Variants in NAV2 observed in about 807,000 individuals in gnomAD.
NAV2 encodes the protein helicase, APC down-regulated 1.
Under a neutral mutation model 223.2 loss-of-function variants are expected in NAV2, and 54 were observed. That is an observed-to-expected ratio of 0.24 (90% CI 0.19 to 0.30). The LOEUF (loss-of-function observed/expected upper bound fraction) is 0.30, where lower values mean the gene tolerates loss of function less well. Ranked by LOEUF, NAV2 falls within the 10% of genes least tolerant of loss-of-function variation. The pLI is 1.00. For missense variants in NAV2, 2,806 were observed against 3,147.5 expected, an observed-to-expected ratio of 0.89 and a Z score of 2.60; for synonymous variants, 1,279 against 1,239.3, an observed-to-expected ratio of 1.03 and a Z score of -0.67.
chr11:19,880,192 C>G lies in NAV2; in HGVS notation c.770+65C>G, dbSNP rs1256559107. 4 of 1,471,062 alleles carry G rather than the reference C, an allele frequency of 2.7e-6. No homozygotes were observed. In the African/African-American group the frequency reaches 4.3e-5, roughly 16 times the overall value. 91.1% of individuals were successfully genotyped at this position (1,471,062 alleles called of 1,614,324 possible). On this transcript the variant is annotated intron_variant, in intron 5 of 37. Transcript: ENST00000349880. The stretch of plus-strand genomic sequence containing the variant: ...CACCTTCCTCCACCCCAACCAATCT[C>G]TAGGCTATCCTGTATGGCTTTTTCA...
chr11:19,558,672 C>T (rs991715694), intron 1 of NAV2, among the ~76,000 whole-genome samples: 1 of 152,184 alleles, frequency 6.6e-6, no homozygotes, highest in Admixed American at 6.5e-5. Context: ...TTAACACCCT[C>T]CCTGAATGAC....
chr11:19,730,115 T>C (rs139309676), intron 1 of NAV2, among the ~76,000 whole-genome samples: 40 of 152,350 alleles, frequency 2.6e-4, no homozygotes, highest in South Asian at 1.7e-3. Flanking sequence ...GTTTCTGTCA[T>C]GAATCTTCCA....
chr11:19,613,703 G>A (rs962281530), intron 1 of NAV2, among the ~76,000 whole-genome samples: 1 of 152,146 alleles, frequency 6.6e-6, no homozygotes, highest in Non-Finnish European at 1.5e-5. Context: ...AGAACCAAGC[G>A]GCCAGAGTTG....
At chr11:19,595,334 A>G (rs761850716) in intron 1 of NAV2, among the ~76,000 whole-genome samples, 3 of 152,200 alleles carry the variant, frequency 2.0e-5, no homozygotes, top group Non-Finnish European at 2.9e-5. Context: ...AACTATCTGT[A>G]TGGGGCTTTG....
At chr11:19,525,381 A>G (rs1341269912) in intron 1 of NAV2, among the ~76,000 whole-genome samples, 1 of 152,200 alleles carries the variant, frequency 6.6e-6, no homozygotes, top group Non-Finnish European at 1.5e-5. Context: ...GAATTTCTTA[A>G]GTGGTGTTGG....
chr11:19,938,810 T>C (rs573372369), intron 7 of NAV2, among the ~76,000 whole-genome samples: 1 of 152,292 alleles, frequency 6.6e-6, no homozygotes, highest in East Asian at 1.9e-4. Flanking sequence ...GGAAGAACAG[T>C]TGGATGACTT....
chr11:19,454,052 C>T (rs911244606), intron 1 of NAV2, among the ~76,000 whole-genome samples: 2 of 152,128 alleles, frequency 1.3e-5, no homozygotes, highest in Admixed American at 6.5e-5. Context: ...GTGCTGGCTC[C>T]AATGAAACAA....
At chr11:19,374,365 C>A (rs1848574648) in intron 1 of NAV2, among the ~76,000 whole-genome samples, 1 of 133,156 alleles carries the variant, frequency 7.5e-6, no homozygotes, top group African/African-American at 2.9e-5. Flanking sequence ...CACCATGTAA[C>A]TGTCCTCACT....
At chr11:20,115,631 CAAAAAAAAAAA>C (rs386373266) in intron 37 of NAV2, among the ~76,000 whole-genome samples, 10 of 47,874 alleles carry the variant, frequency 2.1e-4, no homozygotes, top group African/African-American at 7.2e-4. Context: ...GACTCCGTCT[CAAAAAAAAAAA>C]AAAAAAAAAA....
chr11:20,096,495 C>T (rs2153692232), intron 30 of NAV2, among the ~76,000 whole-genome samples: 1 of 152,252 alleles, frequency 6.6e-6, no homozygotes, highest in African/African-American at 2.4e-5. Context: ...AGACACTATG[C>T]CAAGCCCCTT....
intron 11 of NAV2, among the ~76,000 whole-genome samples, chr11:20,011,914 T>C (rs1200113349): frequency 6.6e-6 from 1 of 152,242 alleles, no homozygotes; most frequent in Non-Finnish European, 1.5e-5. Flanking sequence ...TTGGACCTAA[T>C]GTATGCACAC....
intron 1 of NAV2, among the ~76,000 whole-genome samples, chr11:19,607,781 C>T (rs1328249272): frequency 1.3e-5 from 2 of 152,170 alleles, no homozygotes; most frequent in Non-Finnish European, 2.9e-5. Flanking sequence ...AGAGAAGCGT[C>T]GTGTGTAAAG....
At chr11:20,071,690 G>A (rs1251180787) in intron 22 of NAV2, among the ~76,000 whole-genome samples, 1 of 152,114 alleles carries the variant, frequency 6.6e-6, no homozygotes, top group Non-Finnish European at 1.5e-5. Context: ...TTGTGGTTTT[G>A]ATTTGCATTT....
chr11:19,628,938 C>T (rs530777109), intron 1 of NAV2, among the ~76,000 whole-genome samples: 12 of 152,264 alleles, frequency 7.9e-5, no homozygotes, highest in African/African-American at 2.9e-4. Context: ...GCATTTGCCA[C>T]CCTGACCTTG....
At chr11:19,412,381 C>A (rs1391806913) in intron 1 of NAV2, among the ~76,000 whole-genome samples, 5 of 152,340 alleles carry the variant, frequency 3.3e-5, no homozygotes, top group African/African-American at 1.2e-4. Context: ...GATTCCTCCT[C>A]TCTGGGCAGG....
chr11:19,940,969 C>T (rs1591343343), intron 8 of NAV2, among the ~76,000 whole-genome samples: 1 of 152,272 alleles, frequency 6.6e-6, no homozygotes, highest in East Asian at 1.9e-4. Flanking sequence ...CTGCTCGAGT[C>T]TCCATGCACA....
chr11:19,427,286 T>C (rs1207966619), intron 1 of NAV2, among the ~76,000 whole-genome samples: 2 of 152,244 alleles, frequency 1.3e-5, no homozygotes, highest in Non-Finnish European at 2.9e-5. Flanking sequence ...AGATAATGCA[T>C]ATAAAGCTCT....
At chr11:19,366,993 C>G (rs1848307050) in intron 1 of NAV2, among the ~76,000 whole-genome samples, 1 of 152,098 alleles carries the variant, frequency 6.6e-6, no homozygotes. Flanking sequence ...CTGATGAATT[C>G]TCTTTGGTAT....
chr11:19,403,422 C>T lies in NAV2; in HGVS notation c.75+52395C>T, dbSNP rs190107402. 3.1e-4 allele frequency among the ~76,000 whole-genome samples: 47 copies of T among 152,192 alleles called. No homozygotes were observed. The East Asian group carries it at 4.3e-3, about 14-fold the overall frequency. ...GGTCTGGGTTCAAGGTAGGAAGACA[C>T]GTGGAATTTCCCAGAGAAGGGGGCT... On this transcript the variant is annotated intron_variant, in intron 1 of 37. Coordinates refer to the NAV2 transcript ENST00000360655.
Sources: gnomAD v4.1 joint callset for allele counts (sites outside exome capture counted in the v4.1 genomes callset) on GRCh38, gnomAD v4.1.1 for gene constraint, MANE v1.5 for transcripts, NCBI Gene and HGNC (gene_info 2026-07-23, HGNC 2026-07-21) for gene names.